Variants in EGFLAM observed in about 807,000 individuals in gnomAD.
EGFLAM encodes pikachurin.
A neutral mutation model predicts 113.1 loss-of-function variants in EGFLAM; 79 were observed. That is an observed-to-expected ratio of 0.70 (90% CI 0.58 to 0.84). EGFLAM has a LOEUF of 0.84. EGFLAM is among the 40% of genes least tolerant of loss of function. The pLI is 0.00. For synonymous variants in EGFLAM, 504 were observed against 487.6 expected, an observed-to-expected ratio of 1.03 and a Z score of -0.44; for missense variants, 1,265 against 1,291.6, an observed-to-expected ratio of 0.98 and a Z score of 0.32.
In EGFLAM at chr5:38,337,562, A is replaced by C. The variant is rs1739220981; in HGVS notation, c.140A>C (p.Asn47Thr). The change falls in exon 2 of 22, where the codon AAC becomes ACC. Residue 47 changes from asparagine to threonine, a missense_variant. Transcript: ENST00000322350. The stretch of plus-strand genomic sequence containing the variant: ...CTTGACATCAAGCTGGGCGCATTGA[A>C]CTGTACGGCTTTCAGCATCCAGTGG... ...PPLDIKLGAL[N>T]CTAFSIQWKM... is the part of the protein sequence containing the mutation. 1 of 1,606,864 alleles carries C rather than the reference A, an allele frequency of 6.2e-7. No homozygotes were observed. Among genetic ancestry groups the C allele is most frequent in the Non-Finnish European group, 8.5e-7 (1 of 1,176,124 alleles).
intron 1 of EGFLAM, among the ~76,000 whole-genome samples, chr5:38,298,920 C>G (rs1416656208): frequency 6.6e-6 from 1 of 152,130 alleles, no homozygotes. Flanking sequence ...AGGCTGGTCT[C>G]GAACTCCACC....
intron 4 of EGFLAM, 32 bp downstream of exon 4, chr5:38,350,650 C>A: frequency 6.3e-7 from 1 of 1,590,620 alleles, no homozygotes; most frequent in Non-Finnish European, 8.6e-7. Flanking sequence ...TAATAGGTGG[C>A]AGGCTGCTAT....
At chr5:38,411,370 G>A (rs1224797408) in intron 10 of EGFLAM, among the ~76,000 whole-genome samples, 2 of 152,034 alleles carry the variant, frequency 1.3e-5, no homozygotes, top group African/African-American at 2.4e-5. Flanking sequence ...GGAGGTTGCA[G>A]TGAGCAGAGA....
intron 4 of EGFLAM, among the ~76,000 whole-genome samples, chr5:38,351,462 C>A (rs967601519): frequency 1.3e-5 from 2 of 152,150 alleles, no homozygotes; most frequent in Non-Finnish European, 2.9e-5. Flanking sequence ...GGAGGGCGCA[C>A]TTCCTCTGCC....
chr5:38,370,449 C>T lies in EGFLAM; in HGVS notation c.699C>T (p.Ile233=), dbSNP rs140280982. The T allele has an allele frequency of 1.4e-3, 2,286 of 1,614,000 alleles. 2 individuals are homozygous for T. Among genetic ancestry groups the T allele is most frequent in the Non-Finnish European group, 1.8e-3 (2,090 of 1,179,946 alleles). ...GCCCCCGCAGCTGGCCCAGTGACAT[C>T]ATCCGGACCCTCTGTGAGTACCAGG... ...GPSPRSWPSD[I]IRTLCPEEAG... The change falls in exon 6 of 22, where the codon ATC becomes ATT. Residue 233 remains isoleucine, a synonymous_variant. Coordinates refer to ENST00000322350, the MANE Select transcript of EGFLAM (RefSeq NM_152403.4).
At chr5:38,431,766 G>T (rs1399309493) in intron 15 of EGFLAM, among the ~76,000 whole-genome samples, 1 of 152,152 alleles carries the variant, frequency 6.6e-6, no homozygotes, top group Non-Finnish European at 1.5e-5. Context: ...GATTGTTCTT[G>T]TCTCAGCATT....
chr5:38,393,286 A>G (rs763072384), intron 6 of EGFLAM, among the ~76,000 whole-genome samples: 2 of 152,050 alleles, frequency 1.3e-5, no homozygotes, highest in Non-Finnish European at 2.9e-5. Flanking sequence ...TACTTTAGTA[A>G]TTTTTCTCCA....
chr5:38,459,696 C>G (rs1743209980), intron 20 of EGFLAM, among the ~76,000 whole-genome samples: 1 of 151,880 alleles, frequency 6.6e-6, no homozygotes, highest in Non-Finnish European at 1.5e-5. Flanking sequence ...GGCTACTTTC[C>G]TACTCAGCTC....
intron 1 of EGFLAM, among the ~76,000 whole-genome samples, chr5:38,316,679 G>T (rs1326267364): frequency 6.6e-6 from 1 of 152,042 alleles, no homozygotes; most frequent in Non-Finnish European, 1.5e-5. Context: ...ACACTCCACT[G>T]CCTTCCAAAG....
chr5:38,350,389 C>T, intron 3 of EGFLAM, 112 bp from the exon 4 acceptor site: 1 of 1,021,360 alleles, frequency 9.8e-7, no homozygotes, highest in South Asian at 1.5e-5. Flanking sequence ...AAAACATTCT[C>T]TGTGCCAAGC....
chr5:38,316,757 T>A (rs914467193), intron 1 of EGFLAM, among the ~76,000 whole-genome samples: 12 of 152,202 alleles, frequency 7.9e-5, no homozygotes, highest in African/African-American at 2.9e-4. Context: ...CCAACTCAGC[T>A]GTTTCCACTA....
At chr5:38,405,554 A>C (rs1180258896) in intron 6 of EGFLAM, among the ~76,000 whole-genome samples, 1 of 152,174 alleles carries the variant, frequency 6.6e-6, no homozygotes, top group Non-Finnish European at 1.5e-5. Flanking sequence ...CATTCTATAG[A>C]TATACTATAA....
chr5:38,379,828 GA>G (rs34833258), intron 6 of EGFLAM, among the ~76,000 whole-genome samples: 36,871 of 139,998 alleles, frequency 0.26, 4,940 homozygotes, highest in African/African-American at 0.39. Flanking sequence ...CAGGCAAAAG[GA>G]AAAAAAAAAA....
intron 6 of EGFLAM, among the ~76,000 whole-genome samples, chr5:38,384,733 C>G (rs889465380): frequency 3.3e-5 from 5 of 152,126 alleles, no homozygotes; most frequent in African/African-American, 1.2e-4. Context: ...ATCCCAGGCT[C>G]ATTCTACTGC....
chr5:38,291,666 A>T (rs1561265759), intron 1 of EGFLAM, among the ~76,000 whole-genome samples: 1 of 152,234 alleles, frequency 6.6e-6, no homozygotes, highest in Non-Finnish European at 1.5e-5. Flanking sequence ...AACCTTAAGG[A>T]AAATTGCCCA....
At chr5:38,425,259 C>T (rs1157362648) in intron 13 of EGFLAM, among the ~76,000 whole-genome samples, 167 bp downstream of exon 13, 1 of 152,164 alleles carries the variant, frequency 6.6e-6, no homozygotes, top group African/African-American at 2.4e-5. Context: ...CTCACTGCAA[C>T]CTCTGCCTCC....
At chr5:38,282,812 A>G (rs1758052235) in intron 1 of EGFLAM, among the ~76,000 whole-genome samples, 1 of 152,154 alleles carries the variant, frequency 6.6e-6, no homozygotes. Context: ...CCCAGTTCTC[A>G]TTCCCAACCT....
At chr5:38,292,902 A>T (rs943524175) in intron 1 of EGFLAM, among the ~76,000 whole-genome samples, 2 of 152,210 alleles carry the variant, frequency 1.3e-5, no homozygotes, top group Admixed American at 1.3e-4. Flanking sequence ...ATCACAAAAA[A>T]TTTCCTGCTC....
intron 4 of EGFLAM, 93 bp downstream of exon 4, chr5:38,350,711 G>A (rs1267791576): frequency 8.2e-7 from 1 of 1,222,328 alleles, no homozygotes; most frequent in African/African-American, 1.5e-5. Context: ...TATGTGCCAA[G>A]CACTGTGCTA....
Sources: allele counts gnomAD v4.1 joint callset (sites outside exome capture counted in the v4.1 genomes callset), GRCh38; gene constraint gnomAD v4.1.1; transcripts MANE v1.5; gene names NCBI Gene and HGNC (gene_info 2026-07-23, HGNC 2026-07-21).